AKAP19: variants seen among roughly 807,000 people sequenced by gnomAD.
The protein encoded by AKAP19 is A-kinase anchoring protein 19.
chr2:190,035,946 A>G, the AKAP19 span, among the ~76,000 whole-genome samples: 3 of 152,158 alleles, frequency 2.0e-5, no homozygotes, highest in Non-Finnish European at 4.4e-5. Context: ...TGGAATTGCT[A>G]GATTATGTGA....
At chr2:190,050,872 C>T in the AKAP19 span, among the ~76,000 whole-genome samples, 1 of 152,158 alleles carries the variant, frequency 6.6e-6, no homozygotes, top group Non-Finnish European at 1.5e-5. Context: ...AGAGATATTA[C>T]ACCTCTCCTA....
chr2:190,069,117 GGTGTGTGTGTGCATGCATAT>G, the AKAP19 span, among the ~76,000 whole-genome samples: 9 of 146,622 alleles, frequency 6.1e-5, 1 homozygote, highest in East Asian at 1.6e-3. Context: ...TCTCAAAAGG[GGTGTGTGTGTGCATGCATAT>G]GTGTGTGTGT....
chr2:190,066,413 C>T, the AKAP19 span, among the ~76,000 whole-genome samples: 7 of 152,070 alleles, frequency 4.6e-5, no homozygotes, highest in Non-Finnish European at 7.4e-5. Context: ...AAAAGGAGGA[C>T]GATGAGATTA....
At chr2:189,946,040 A>G in the AKAP19 span, among the ~76,000 whole-genome samples, 1 of 152,216 alleles carries the variant, frequency 6.6e-6, no homozygotes, top group African/African-American at 2.4e-5. Flanking sequence ...ATATCAAGGA[A>G]GCTAGGGTTC....
chr2:190,002,574 G>GA, the AKAP19 span, among the ~76,000 whole-genome samples: 7,753 of 151,650 alleles, frequency 0.051, 289 homozygotes, highest in Non-Finnish European at 0.068. Context: ...AAGAAATAAA[G>GA]AAAAAAAACA....
the AKAP19 span, among the ~76,000 whole-genome samples, chr2:189,919,554 C>G: frequency 1.3e-5 from 2 of 151,996 alleles, no homozygotes; most frequent in South Asian, 2.1e-4. Context: ...CCCCCACTCC[C>G]CAACAGACCG....
the AKAP19 span, among the ~76,000 whole-genome samples, chr2:190,166,819 G>T: frequency 0.97 from 147,653 of 152,222 alleles, 71,791 homozygotes; most frequent in Middle Eastern, 1. Flanking sequence ...CATGGAAATA[G>T]TCCCTTTAAA....
the AKAP19 span, among the ~76,000 whole-genome samples, chr2:189,880,104 T>C: frequency 6.6e-6 from 1 of 152,338 alleles, no homozygotes; most frequent in African/African-American, 2.4e-5. Context: ...ATTTTGTGGC[T>C]CAGTTTGTAG....
chr2:189,984,804 G>A, the AKAP19 span, among the ~76,000 whole-genome samples: 5 of 152,026 alleles, frequency 3.3e-5, no homozygotes, highest in South Asian at 2.1e-4. Flanking sequence ...GGCTTCAGCC[G>A]GTCCCTCTGT....
chr2:190,004,686 C>A, the AKAP19 span, among the ~76,000 whole-genome samples: 2 of 151,756 alleles, frequency 1.3e-5, no homozygotes, highest in Admixed American at 6.6e-5. Context: ...TTTCACGGAA[C>A]CTTGCCCTCC....
At chr2:190,084,220 G>A in the AKAP19 span, among the ~76,000 whole-genome samples, 12 of 151,256 alleles carry the variant, frequency 7.9e-5, no homozygotes, top group East Asian at 5.9e-4. Flanking sequence ...AGCCTCCCAC[G>A]TACCTGGGAT....
At chr2:189,938,201 C>T in the AKAP19 span, among the ~76,000 whole-genome samples, 9 of 151,706 alleles carry the variant, frequency 5.9e-5, no homozygotes, top group South Asian at 2.1e-4. Flanking sequence ...CTGGACATGG[C>T]GGCATGTGCC....
the AKAP19 span, among the ~76,000 whole-genome samples, chr2:190,162,366 CAG>C: frequency 6.6e-6 from 1 of 152,012 alleles, no homozygotes; most frequent in Admixed American, 6.5e-5. Flanking sequence ...TGGGGAAAAA[CAG>C]AGTTAAAATC....
At chr2:189,992,464 T>A in the AKAP19 span, among the ~76,000 whole-genome samples, 1 of 152,186 alleles carries the variant, frequency 6.6e-6, no homozygotes, top group African/African-American at 2.4e-5. Context: ...ATGTGATGCC[T>A]CCAGTGTATT....
chr2:190,124,444 T>C, the AKAP19 span, among the ~76,000 whole-genome samples: 1 of 152,232 alleles, frequency 6.6e-6, no homozygotes, highest in African/African-American at 2.4e-5. Flanking sequence ...AATATGTGTA[T>C]ATCTAAATAT....
chr2:190,076,508 T>C, the AKAP19 span, among the ~76,000 whole-genome samples: 2 of 152,246 alleles, frequency 1.3e-5, no homozygotes, highest in Non-Finnish European at 2.9e-5. Context: ...CTTTTGTTTG[T>C]CTGAAGAAGA....
chr2:190,066,424 G>A, the AKAP19 span, among the ~76,000 whole-genome samples: 1 of 152,284 alleles, frequency 6.6e-6, no homozygotes, highest in East Asian at 1.9e-4. Context: ...GATGAGATTA[G>A]GAATTAGCAC....
At chr2:190,015,036 G>T in the AKAP19 span, among the ~76,000 whole-genome samples, 1 of 152,194 alleles carries the variant, frequency 6.6e-6, no homozygotes, top group Admixed American at 6.5e-5. Flanking sequence ...GGCATTGAGT[G>T]TCTGTAGCTT....
At chr2:190,063,617 C>T in the AKAP19 span, among the ~76,000 whole-genome samples, 2 of 152,048 alleles carry the variant, frequency 1.3e-5, no homozygotes, top group Non-Finnish European at 2.9e-5. Context: ...TATCTATTCT[C>T]TATAAATTAT....
Sources: gnomAD v4.1 joint callset for allele counts (sites outside exome capture counted in the v4.1 genomes callset) on GRCh38, gnomAD v4.1.1 for gene constraint, MANE v1.5 for transcripts, NCBI Gene and HGNC (gene_info 2026-07-23, HGNC 2026-07-21) for gene names.